RBFOX1: variants seen among roughly 807,000 people sequenced by gnomAD.
RBFOX1 encodes the protein RNA binding fox-1 homolog 1, also known as RNA binding protein fox-1 homolog 1.
In RBFOX1, 8 loss-of-function variants were observed where a neutral mutation model predicts 57.7. That is an observed-to-expected ratio of 0.14 (90% CI 0.08 to 0.25). The LOEUF (loss-of-function observed/expected upper bound fraction) is 0.25. Among genes scored for constraint, RBFOX1 ranks in the 10% least tolerant of loss-of-function variants. The pLI is 1.00. For missense variants in RBFOX1, 611 were observed against 548.5 expected (o/e 1.11, Z -1.14); for synonymous variants, 326 against 222.4 (o/e 1.47, Z -4.15).
intron 4 of RBFOX1, among the ~76,000 whole-genome samples, chr16:6,004,470 A>G (rs1368082564): frequency 6.6e-6 from 1 of 152,242 alleles, no homozygotes; most frequent in Non-Finnish European, 1.5e-5. Flanking sequence ...AAAATGGGTC[A>G]GTGTGATATG....
chr16:5,580,227 G>C (rs2046617423), intron 2 of RBFOX1, among the ~76,000 whole-genome samples: 1 of 152,196 alleles, frequency 6.6e-6, no homozygotes, highest in African/African-American at 2.4e-5. Context: ...AATAACAGTT[G>C]GGCCTGAAGA....
At chr16:6,508,703 T>TA (rs1411310522) in intron 2 of RBFOX1, among the ~76,000 whole-genome samples, 2 of 152,176 alleles carry the variant, frequency 1.3e-5, no homozygotes, top group Non-Finnish European at 2.9e-5. Context: ...CATCTGCAGT[T>TA]ACTTCATCCT....
At chr16:7,485,636 T>C (rs898620302) in intron 4 of RBFOX1, among the ~76,000 whole-genome samples, 3 of 152,208 alleles carry the variant, frequency 2.0e-5, no homozygotes, top group African/African-American at 7.2e-5. Context: ...AGGTTTTAAA[T>C]AGAAGATTGT....
In RBFOX1 at chr16:6,974,556, G is replaced by T. The variant is rs539197086; in HGVS notation, c.-15-77501G>T. On this transcript the variant is annotated intron_variant, in intron 3 of 15. Transcript: ENST00000550418. The stretch of plus-strand genomic sequence containing the variant: ...GATGAGGTTTCATCATATTGGCCAG[G>T]CTGGTCTTGATCTCCTGACCTCAGG... Among the ~76,000 whole-genome samples the T allele has an allele frequency of 3.6e-4, 54 of 151,948 alleles. 1 individual carries two copies. The South Asian group carries it at 0.011, about 32-fold the overall frequency.
intron 10 of RBFOX1, among the ~76,000 whole-genome samples, 170 bp from the exon 11 acceptor site, chr16:7,630,433 C>T (rs948620159): frequency 1.3e-5 from 2 of 151,910 alleles, no homozygotes; most frequent in Non-Finnish European, 2.9e-5. Context: ...GGGGGGCTTC[C>T]ATTGATTCCC....
intron 4 of RBFOX1, among the ~76,000 whole-genome samples, chr16:7,314,351 G>A (rs929071017): frequency 1.3e-5 from 2 of 152,146 alleles, no homozygotes; most frequent in East Asian, 1.9e-4. Flanking sequence ...AGGGAGTGGG[G>A]TCCTGCCTTG....
intron 4 of RBFOX1, among the ~76,000 whole-genome samples, chr16:7,260,100 G>C (rs1207111786): frequency 2.0e-5 from 3 of 152,106 alleles, no homozygotes; most frequent in African/African-American, 7.2e-5. Flanking sequence ...ACCATATATT[G>C]TGTATATGGA....
At chr16:7,670,243 G>A (rs974593693) in intron 13 of RBFOX1, among the ~76,000 whole-genome samples, 4 of 152,182 alleles carry the variant, frequency 2.6e-5, no homozygotes, top group African/African-American at 9.7e-5. Context: ...TGTTGGCCAG[G>A]CTGGTCTCGA....
intron 3 of RBFOX1, among the ~76,000 whole-genome samples, chr16:5,682,591 A>G (rs2050374300): frequency 6.6e-6 from 1 of 152,196 alleles, no homozygotes; most frequent in South Asian, 2.1e-4. Flanking sequence ...CCTGGGAGGA[A>G]GGAATTATCC....
chr16:5,964,433 C>A (rs938081979), intron 4 of RBFOX1, among the ~76,000 whole-genome samples: 3 of 152,120 alleles, frequency 2.0e-5, no homozygotes, highest in Non-Finnish European at 4.4e-5. Context: ...ACTGCACTTC[C>A]ATGTTTATTG....
chr16:5,653,401 A>G (rs1486866118), intron 3 of RBFOX1, among the ~76,000 whole-genome samples: 3 of 148,450 alleles, frequency 2.0e-5, no homozygotes, highest in African/African-American at 7.6e-5. Flanking sequence ...TGGGGTGCTG[A>G]GCCGTGTGCT....
chr16:6,705,827 G>T lies in RBFOX1; in HGVS notation c.-16+51177G>T, dbSNP rs540616502. The stretch of plus-strand genomic sequence containing the variant: ...GAGCTCAGGAGTCCAAGACCATCCT[G>T]GCTAACATGGCAAAACCCTGTCTTT... On this transcript the variant is annotated intron_variant, in intron 3 of 15. Coordinates refer to ENST00000550418, the MANE Select transcript of RBFOX1 (RefSeq NM_018723.4). Among the ~76,000 whole-genome samples the T allele has an allele frequency of 2.0e-5, 3 of 152,234 alleles. 1 individual carries two copies. The South Asian group carries it at 6.2e-4, about 32-fold the overall frequency.
intron 3 of RBFOX1, among the ~76,000 whole-genome samples, chr16:5,862,452 T>G (rs2057244092): frequency 6.6e-6 from 1 of 152,104 alleles, no homozygotes; most frequent in Non-Finnish European, 1.5e-5. Context: ...CCATCCCTAC[T>G]GTAAATACTG....
At chr16:6,812,302 A>G (rs921620505) in intron 3 of RBFOX1, among the ~76,000 whole-genome samples, 7 of 152,198 alleles carry the variant, frequency 4.6e-5, no homozygotes, top group Admixed American at 4.6e-4. Flanking sequence ...AGGACGGTCT[A>G]CTAACAGAAC....
intron 2 of RBFOX1, among the ~76,000 whole-genome samples, chr16:6,426,164 C>T (rs1157359594): frequency 6.6e-6 from 1 of 151,876 alleles, no homozygotes; most frequent in Non-Finnish European, 1.5e-5. Context: ...GTCTTTCCCT[C>T]CCTCCATCCC....
intron 14 of RBFOX1, among the ~76,000 whole-genome samples, chr16:7,706,326 G>T (rs1447248646): frequency 6.6e-6 from 1 of 152,174 alleles, no homozygotes. Context: ...AAGAGAAAAG[G>T]AGGCAGCTCA....
At chr16:6,853,374 C>T (rs1203033311) in intron 3 of RBFOX1, among the ~76,000 whole-genome samples, 2 of 152,080 alleles carry the variant, frequency 1.3e-5, no homozygotes. Flanking sequence ...TAAGGGTTGG[C>T]TGCATAACGT....
At chr16:7,494,162 A>AT (rs1022831407) in intron 4 of RBFOX1, among the ~76,000 whole-genome samples, 10 of 152,130 alleles carry the variant, frequency 6.6e-5, no homozygotes, top group Admixed American at 1.3e-4. Context: ...CCACTTTCTG[A>AT]TTTTTTTGGA....
chr16:6,555,563 G>A (rs1286337630), intron 2 of RBFOX1, among the ~76,000 whole-genome samples: 1 of 152,056 alleles, frequency 6.6e-6, no homozygotes, highest in Non-Finnish European at 1.5e-5. Flanking sequence ...AGCCGGGCGT[G>A]GTGGCGGGCG....
Sources: gnomAD v4.1 joint callset for allele counts (sites outside exome capture counted in the v4.1 genomes callset) on GRCh38, gnomAD v4.1.1 for gene constraint, MANE v1.5 for transcripts, NCBI Gene and HGNC (gene_info 2026-07-23, HGNC 2026-07-21) for gene names.